The following DCDC1 variants were observed in gnomAD, a reference collection of about 807,000 sequenced individuals.
The protein encoded by DCDC1 is doublecortin domain containing 1, also known as doublecortin domain-containing protein 1.
In DCDC1, 200 loss-of-function variants were observed where a neutral mutation model predicts 178.3. The observed-to-expected ratio is 1.12, with a 90% CI of 1.00 to 1.26. DCDC1 has a LOEUF of 1.26. Among genes scored for constraint, DCDC1 ranks in the 50% most tolerant of loss-of-function variants. The pLI, the probability that DCDC1 is intolerant of heterozygous loss-of-function variation, is 0.00. For synonymous variants in DCDC1, 690 were observed against 604.8 expected (o/e 1.14, Z -2.07); for missense variants, 1,983 against 1,749.2 (o/e 1.13, Z -2.38).
At chr11:31,290,510 A>G in intron 7 of DCDC1, 137 bp downstream of exon 7, 1 of 912,004 alleles carries the variant, frequency 1.1e-6, no homozygotes, top group Non-Finnish European at 1.6e-6. Flanking sequence ...GTTTATACAG[A>G]ATTTTTTAGT....
At chr11:31,153,392 G>A (rs572999264) in intron 9 of DCDC1, among the ~76,000 whole-genome samples, 8 of 152,134 alleles carry the variant, frequency 5.3e-5, no homozygotes, top group South Asian at 4.1e-4. Flanking sequence ...AACCCCCATC[G>A]CATTATCAAG....
chr11:31,145,670 T>C (rs932124611), intron 9 of DCDC1, among the ~76,000 whole-genome samples: 3 of 152,202 alleles, frequency 2.0e-5, no homozygotes, highest in Non-Finnish European at 2.9e-5. Context: ...CTGGCCTCAC[T>C]GAAGTGGCAG....
intron 20 of DCDC1, among the ~76,000 whole-genome samples, chr11:31,021,036 T>G (rs2135200854): frequency 6.6e-6 from 1 of 152,364 alleles, no homozygotes; most frequent in South Asian, 2.1e-4. Context: ...CAGACCATTT[T>G]TTTTAATCTT....
chr11:31,162,559 T>A (rs7943540), intron 9 of DCDC1, among the ~76,000 whole-genome samples: 2,905 of 152,236 alleles, frequency 0.019, 92 homozygotes, highest in African/African-American at 0.066. Context: ...GTCTAATATA[T>A]CTCAAATATA....
intron 9 of DCDC1, among the ~76,000 whole-genome samples, chr11:31,175,825 T>C (rs1967940984): frequency 6.6e-6 from 1 of 152,228 alleles, no homozygotes; most frequent in African/African-American, 2.4e-5. Context: ...AGAAACTGCA[T>C]GGAGACCATG....
intron 20 of DCDC1, among the ~76,000 whole-genome samples, chr11:31,023,934 C>T (rs920500572): frequency 6.6e-6 from 1 of 151,888 alleles, no homozygotes; most frequent in Non-Finnish European, 1.5e-5. Flanking sequence ...TCAATATGCT[C>T]ACTAGTTGCT....
intron 1 of DCDC1, among the ~76,000 whole-genome samples, chr11:31,339,927 T>C (rs1223846404): frequency 6.6e-6 from 1 of 152,282 alleles, no homozygotes; most frequent in South Asian, 2.1e-4. Flanking sequence ...AAAGGTACTA[T>C]CCTATGTCTC....
chr11:30,933,429 AC>A, intron 21 of DCDC1, among the ~76,000 whole-genome samples: 1 of 152,232 alleles, frequency 6.6e-6, no homozygotes, highest in East Asian at 1.9e-4. Context: ...TGCCTATATG[AC>A]TAAACTCTCA....
chr11:31,230,643 T>G (rs1406702929), intron 9 of DCDC1, among the ~76,000 whole-genome samples: 1 of 152,174 alleles, frequency 6.6e-6, no homozygotes. Flanking sequence ...CCTTGAACCA[T>G]GATGACTCCA....
chr11:30,947,782 C>T (rs929772102), intron 21 of DCDC1, among the ~76,000 whole-genome samples: 1 of 151,944 alleles, frequency 6.6e-6, no homozygotes, highest in African/African-American at 2.4e-5. Flanking sequence ...AAGAGACAAC[C>T]CACAGAATGG....
chr11:31,190,733 G>T (rs1447707539), intron 9 of DCDC1, among the ~76,000 whole-genome samples: 1 of 151,926 alleles, frequency 6.6e-6, no homozygotes, highest in Non-Finnish European at 1.5e-5. Context: ...CATATTGTTA[G>T]GTAAAAGCTT....
chr11:31,209,474 T>A lies in DCDC1; in HGVS notation c.1221+31976A>T, dbSNP rs573049713. Among the ~76,000 whole-genome samples, 6 of 152,340 alleles carry A rather than the reference T, an allele frequency of 3.9e-5. No homozygotes were observed. The South Asian group carries it at 1.2e-3, about 32-fold the overall frequency. On this transcript the variant is annotated intron_variant, in intron 9 of 38. Transcript: ENST00000684477. ...GTTGAAGATGATAGAAAGCCAGTGATTTGAATAACTAGGGATCATTATTGC... is the reference window on the plus strand; with the variant it reads ...GTTGAAGATGATAGAAAGCCAGTGAATTGAATAACTAGGGATCATTATTGC...
rs1266450020 is a variant in DCDC1, at chr11:31,318,798, G to A, written c.164+9319C>T. On this transcript the variant is annotated intron_variant, in intron 3 of 38. Transcript: ENST00000684477. The stretch of plus-strand genomic sequence containing the variant: ...CTGCTTTCTCTTGTAGGCATTTAGT[G>A]CTATAAATTTCCCTCTACACACTGT... Among the ~76,000 whole-genome samples the A allele has an allele frequency of 3.2e-5, 2 of 62,820 alleles. 1 individual carries two copies. The highest frequency in any genetic ancestry group is 5.0e-4 in the East Asian group (2 of 4,034). 41.2% of individuals were successfully genotyped at this position (62,820 alleles called of 152,430 possible). A position where few individuals can be genotyped will look rare whatever the true frequency, so the allele number is the denominator to read the frequency against.
At chr11:30,970,382 T>G (rs1242161961) in intron 20 of DCDC1, among the ~76,000 whole-genome samples, 9 of 152,136 alleles carry the variant, frequency 5.9e-5, no homozygotes, top group African/African-American at 2.2e-4. Context: ...TACAAATCCA[T>G]GGAGCTACAT....
At chr11:31,133,322 G>A (rs1962687261) in intron 10 of DCDC1, among the ~76,000 whole-genome samples, 1 of 152,100 alleles carries the variant, frequency 6.6e-6, no homozygotes, top group Admixed American at 6.5e-5. Context: ...CTCTATACTA[G>A]GAACGTCATC....
intron 7 of DCDC1, among the ~76,000 whole-genome samples, chr11:31,288,142 G>T (rs1946971852): frequency 6.6e-6 from 1 of 151,830 alleles, no homozygotes; most frequent in South Asian, 2.1e-4. Flanking sequence ...AGATGTAATT[G>T]GAAGAGAATA....
At chr11:31,231,832 G>A (rs1975808557) in intron 9 of DCDC1, among the ~76,000 whole-genome samples, 1 of 152,216 alleles carries the variant, frequency 6.6e-6, no homozygotes, top group Non-Finnish European at 1.5e-5. Flanking sequence ...CCACCACCAT[G>A]TGTGAAAGAT....
At chr11:30,882,165 C>T (rs1327799591) in intron 36 of DCDC1, 1 of 152,222 alleles carries the variant, frequency 6.6e-6, no homozygotes, top group African/African-American at 2.4e-5. Flanking sequence ...TGTTTAGATG[C>T]TACAACTCAC....
intron 9 of DCDC1, among the ~76,000 whole-genome samples, chr11:31,233,788 A>C (rs1976120751): frequency 6.6e-6 from 1 of 152,224 alleles, no homozygotes; most frequent in African/African-American, 2.4e-5. Context: ...TGTTAATCAC[A>C]GAATGAGGAA....
Sources: allele counts gnomAD v4.1 joint callset (sites outside exome capture counted in the v4.1 genomes callset), GRCh38; gene constraint gnomAD v4.1.1; transcripts MANE v1.5; gene names NCBI Gene and HGNC (gene_info 2026-07-23, HGNC 2026-07-21).